The following PRSS36 variants were observed in gnomAD, a reference collection of about 807,000 sequenced individuals.
The protein encoded by PRSS36 is polyserase-2.
PRSS36 carries 90 observed loss-of-function variants against 94.3 expected under a neutral mutation model. The ratio of observed to expected loss-of-function variants is 0.95; its 90% CI spans 0.80 to 1.14. The LOEUF is 1.14. Ranked by LOEUF, PRSS36 falls within the 50% of genes most tolerant of loss-of-function variation. The pLI is 0.00. For missense variants in PRSS36, 1,158 were observed against 1,135.0 expected (o/e 1.02, Z -0.29); for synonymous variants, 500 against 489.6 (o/e 1.02, Z -0.28).
At chr16:31,146,834 A>G (rs1193648020) in intron 5 of PRSS36, among the ~76,000 whole-genome samples, 1 of 152,138 alleles carries the variant, frequency 6.6e-6, no homozygotes. Flanking sequence ...ACAAAAAATT[A>G]GCTGGGCGTG....
chr16:31,139,921 G>A (rs1461480135), intron 14 of PRSS36, among the ~76,000 whole-genome samples: 3 of 145,278 alleles, frequency 2.1e-5, no homozygotes, highest in East Asian at 2.1e-4. Flanking sequence ...TTGGCCGGGC[G>A]CAGTGGCTCA....
chr16:31,149,468 T>C lies in PRSS36; in HGVS notation c.104A>G (p.Asp35Gly). Residue 35 changes from aspartate to glycine, a missense_variant, in exon 3 of 15, where the codon GAT (aspartate) becomes GGT (glycine). Transcript: ENST00000268281. ...TGCCAAGGCCTCTTCCTTACCCAGA[T>C]CTTCAGGTTCTTCCTGGGTAGGACT... The part of the protein sequence containing the change: ...ALSPTQEEPE[D>G]LDCGRPEPSA... 1 of 1,614,054 alleles carries C rather than the reference T, an allele frequency of 6.2e-7. No homozygotes were observed. The highest frequency in any genetic ancestry group is 8.5e-7 in the Non-Finnish European group (1 of 1,180,004).
Position 31,149,728 on chromosome 16 carries a change from A to G in PRSS36, c.41T>C (p.Ile14Thr). 6.2e-7 allele frequency: 1 copy of G among 1,614,170 alleles called. No homozygotes were observed. The highest frequency in any genetic ancestry group is 1.3e-5 in the African/African-American group (1 of 75,034). ...HLLLPLVMLV[I>T]SPIPGAFQDS... ...CTGGAAGGCTCCTGGGATGGGACTG[A>G]TGACTGGAAAGACAGAGGTAGGCAG... Residue 14 changes from isoleucine (I) to threonine (T), a missense_variant, in exon 2 of 15, where the codon ATC (isoleucine) becomes ACC (threonine). Coordinates refer to ENST00000268281, the MANE Select transcript of PRSS36 (RefSeq NM_173502.5).
In PRSS36 at chr16:31,149,197, C is replaced by T. The variant is rs759221370; in HGVS notation, c.148G>A (p.Gly50Ser). The T allele has an allele frequency of 3.8e-6, 6 of 1,568,356 alleles. No individual in the cohort carries two copies. In the African/African-American group the frequency reaches 5.4e-5, roughly 14 times the overall value. ...CAGGTGCCCGGCTGCGCGTTTGAGC[C>T]CCCCACGATGCGGGCCGAGGGCTCA... ...RPEPSARIVGGSNAQPGTWPW... is the reference protein window; with the variant it reads ...RPEPSARIVGSSNAQPGTWPW... The change falls in exon 4 of 15, where the codon GGC (glycine) becomes AGC (serine). Residue 50 changes from glycine to serine, a missense_variant. Physicochemically the swap from Gly to Ser is moderately conservative, Grantham distance 56 (BLOSUM62 0). Coordinates refer to ENST00000268281, the MANE Select transcript of PRSS36 (RefSeq NM_173502.5).
chr16:31,140,493 T>G lies in PRSS36; in HGVS notation c.2166A>C (p.Arg722=). The G allele has an allele frequency of 6.3e-7, 1 of 1,584,904 alleles. No homozygotes were observed. Among genetic ancestry groups the G allele is most frequent in the Non-Finnish European group, 8.6e-7 (1 of 1,164,722 alleles). Residue 722 remains arginine (R), a splice_region_variant and synonymous_variant, in exon 13 of 15, where the codon CGA becomes CGC. Transcript: ENST00000268281. ...GTTCCCGTGACCCAGGGGTCTCACC[T>G]CGGTCCTGGGGTTCTTTCCAGCCCA... ...WVLGWKEPQD[R]VPVAAAVSIL...
chr16:31,149,982 T>G lies in PRSS36; in HGVS notation c.37+17A>C, dbSNP rs1234745111. On this transcript the variant is annotated intron_variant, in intron 1 of 14. Transcript: ENST00000268281. ...GGACCCAGGCCCTTTGCAGCCACTC[T>G]TGTCCCCTGAGGTTACCAAGCATCA... The G allele has an allele frequency of 6.2e-7, 1 of 1,613,688 alleles. No individual in the cohort carries two copies. The highest frequency in any genetic ancestry group is 8.5e-7 in the Non-Finnish European group (1 of 1,179,810).
At position 31,140,396 on chromosome 16, in the gene PRSS36, G is replaced by T. The variant is rs772844441; in HGVS notation, c.2187C>A (p.Val729=). 6.2e-7 allele frequency: 1 copy of T among 1,613,996 alleles called. No homozygotes were observed. Among genetic ancestry groups the T allele is most frequent in the Non-Finnish European group, 8.5e-7 (1 of 1,179,970 alleles). Residue 729 remains valine, a synonymous_variant, in exon 14 of 15, where the codon GTC becomes GTA. Transcript: ENST00000268281. ...PQDRVPVAAA[V]SILTQRICDC... is the part of the protein sequence containing the mutation. ...CACAGATTCGTTGTGTCAAGATGGA[G>T]ACAGCAGCAGCCACAGGGACTGGGG...
chr16:31,142,006 G>T, intron 10 of PRSS36, 46 bp from the exon 11 acceptor site: 1 of 1,541,982 alleles, frequency 6.5e-7, no homozygotes, highest in Non-Finnish European at 9.0e-7. Context: ...CGTGTGTGCA[G>T]AGAATATCAG....
At chr16:31,149,348 C>A in intron 3 of PRSS36, 113 bp from the exon 4 acceptor site, 1 of 1,536,200 alleles carries the variant, frequency 6.5e-7, no homozygotes, top group Non-Finnish European at 8.9e-7. Flanking sequence ...CCCCTCTGAA[C>A]AAAGAACATA....
chr16:31,148,253 C>T (rs967854115), intron 5 of PRSS36, 142 bp downstream of exon 5: 39 of 894,336 alleles, frequency 4.4e-5, no homozygotes, highest in African/African-American at 3.7e-4. Flanking sequence ...GGGATTCATC[C>T]ACCGACCCGC....
Position 31,145,973 on chromosome 16 carries a change from G to GAGC in PRSS36, c.554-21_554-19dup. ...CAGAGGATCTGGAGGCAGAACCAGAGAGCAGGTGCTGTGAGGCAGGTATGG... is the reference window on the plus strand; with the variant it reads ...CAGAGGATCTGGAGGCAGAACCAGAGAGCAGCAGGTGCTGTGAGGCAGGTATGG... On this transcript the variant is annotated intron_variant, in intron 5 of 14. Transcript: ENST00000268281. 1 of 1,600,758 alleles carries GAGC rather than the reference G, an allele frequency of 6.2e-7. No individual in the cohort carries two copies. The highest frequency in any genetic ancestry group is 8.5e-7 in the Non-Finnish European group (1 of 1,173,636).
At chr16:31,146,845 G>C (rs1456090374) in intron 5 of PRSS36, among the ~76,000 whole-genome samples, 2 of 152,176 alleles carry the variant, frequency 1.3e-5, no homozygotes, top group Non-Finnish European at 2.9e-5. Context: ...GCTGGGCGTG[G>C]TGGTGGGTGC....
At chr16:31,142,033 CA>C in intron 10 of PRSS36, 73 bp from the exon 11 acceptor site, 1 of 1,335,704 alleles carries the variant, frequency 7.5e-7, no homozygotes, top group South Asian at 1.2e-5. Flanking sequence ...TGGGGCTTTC[CA>C]GGACTCCAGA....
Position 31,141,766 on chromosome 16 carries a change from C to T in PRSS36, c.1716G>A (p.Glu572=). The change falls in exon 11 of 15, where the codon GAG becomes GAA. Residue 572 remains glutamate (E), a synonymous_variant. Coordinates refer to ENST00000268281, the MANE Select transcript of PRSS36 (RefSeq NM_173502.5). ...GGGGACAAGTCTGTGTCTCAGTCTC[C>T]TCCCCATCAGGGCCCCAATCCCAGG... is the stretch of plus-strand genomic sequence containing the variant. The part of the protein sequence containing the change: ...QLAWDWGPDG[E]ETETQTCPPH... The T allele has an allele frequency of 3.1e-6, 5 of 1,614,102 alleles. No individual in the cohort carries two copies. The highest frequency in any genetic ancestry group is 4.2e-6 in the Non-Finnish European group (5 of 1,179,962).
In PRSS36 at chr16:31,143,904, C is replaced by T. The variant is rs2057758789; in HGVS notation, c.721-67G>A. On this transcript the variant is annotated intron_variant, in intron 6 of 14. Coordinates refer to ENST00000268281, the MANE Select transcript of PRSS36 (RefSeq NM_173502.5). ...CCTACTCGAAAAGGTCCTGCACCTC[C>T]TTTTGGCCCAACATACACCACCTTC... 2.5e-6 allele frequency: 4 copies of T among 1,591,210 alleles called. No homozygotes were observed. In the Admixed American group the frequency reaches 5.1e-5, roughly 20 times the overall value.
At position 31,142,722 on chromosome 16, in the gene PRSS36, C is replaced by T; in HGVS notation, c.1357+15G>A. The T allele has an allele frequency of 7.4e-7, 1 of 1,356,712 alleles. No individual in the cohort carries two copies. Among genetic ancestry groups the T allele is most frequent in the Non-Finnish European group, 9.5e-7 (1 of 1,053,764 alleles). 84.0% of individuals were successfully genotyped at this position (1,356,712 alleles called of 1,614,324 possible). ...CGCCCGGTGCCGCCCGGCCCAGCGC[C>T]GGTCCCCAGCTCACCCCCGCGGCCC... On this transcript the variant is annotated intron_variant, in intron 9 of 14. Transcript: ENST00000268281.
Position 31,139,042 on chromosome 16 carries a change from G to A in PRSS36, c.*96C>T, listed in dbSNP as rs140036348. 0.014 allele frequency: 19,974 copies of A among 1,384,914 alleles called. 162 individuals are homozygous for A. Among genetic ancestry groups the A allele is most frequent in the Non-Finnish European group, 0.018 (18,054 of 1,022,108 alleles). 85.8% of individuals were successfully genotyped at this position (1,384,914 alleles called of 1,614,324 possible). ...AGCCGCTGCAATCTCGGTGGGTGGGGCCCTTGAGGTTCCAGCCGGCTGGGC... is the reference window on the plus strand; with the variant it reads ...AGCCGCTGCAATCTCGGTGGGTGGGACCCTTGAGGTTCCAGCCGGCTGGGC... On this transcript the variant is annotated 3_prime_UTR_variant, in exon 15 of 15. Transcript: ENST00000268281.
intron 8 of PRSS36, 100 bp from the exon 9 acceptor site, chr16:31,143,093 G>A (rs1236951172): frequency 1.5e-6 from 2 of 1,367,896 alleles, no homozygotes; most frequent in Admixed American, 6.9e-5. Flanking sequence ...CCTGCATCCT[G>A]GCGGGATCCC....
In PRSS36 at chr16:31,141,375, T is replaced by TAAAACAAA; in HGVS notation, c.1901+93_1901+94insTTTGTTTT. On this transcript the variant is annotated intron_variant, in intron 12 of 14. Coordinates refer to ENST00000268281, the MANE Select transcript of PRSS36 (RefSeq NM_173502.5). The stretch of plus-strand genomic sequence containing the variant: ...AGCAAGATCTCATTGTTAATTTTTT[T>TAAAACAAA]TAAACAAACAAACAAACAAATAACA... 1.6e-5 allele frequency: 13 copies of TAAAACAAA among 795,276 alleles called. No homozygotes were observed. In the South Asian group the frequency reaches 3.0e-4, roughly 18 times the overall value. The allele number at this position is 795,276 out of a possible 1,614,324, so 49.3% of individuals were successfully genotyped here.
Sources: gnomAD v4.1 joint callset for allele counts (sites outside exome capture counted in the v4.1 genomes callset) on GRCh38, gnomAD v4.1.1 for gene constraint, MANE v1.5 for transcripts, NCBI Gene and HGNC (gene_info 2026-07-23, HGNC 2026-07-21) for gene names.